CNTNAP2: variants seen among roughly 807,000 people sequenced by gnomAD.
CNTNAP2 encodes the protein contactin associated protein 2, also known as contactin-associated protein-like 2.
CNTNAP2 carries 98 observed loss-of-function variants against 155.2 expected under a neutral mutation model. The ratio of observed to expected loss-of-function variants is 0.63; its 90% CI spans 0.54 to 0.75. The LOEUF is 0.75. Ranked by LOEUF, CNTNAP2 falls within the 30% of genes least tolerant of loss-of-function variation. CNTNAP2 has a pLI of 0.00. For missense variants in CNTNAP2, 1,727 were observed against 1,688.1 expected (o/e 1.02, Z -0.40); for synonymous variants, 651 against 631.2 (o/e 1.03, Z -0.47).
At chr7:147,513,971 T>G (rs1202478628) in intron 11 of CNTNAP2, among the ~76,000 whole-genome samples, 1 of 152,168 alleles carries the variant, frequency 6.6e-6, no homozygotes, top group Non-Finnish European at 1.5e-5. Context: ...CACCACCACA[T>G]GGTCCTTTCA....
intron 13 of CNTNAP2, among the ~76,000 whole-genome samples, chr7:147,724,790 A>G (rs745390414): frequency 3.3e-5 from 5 of 152,050 alleles, no homozygotes; most frequent in Non-Finnish European, 7.4e-5. Flanking sequence ...GAGCTTCAAA[A>G]CAGTATTGCA....
intron 10 of CNTNAP2, among the ~76,000 whole-genome samples, chr7:147,464,918 T>C (rs969712854): frequency 2.6e-5 from 4 of 152,208 alleles, no homozygotes; most frequent in African/African-American, 7.2e-5. Context: ...ATAATGATTC[T>C]CTCCTGATAT....
chr7:146,554,152 AGCCTTGCTGGAACCATTTGAGGCC>A (rs1798161755), intron 1 of CNTNAP2, among the ~76,000 whole-genome samples: 1 of 152,182 alleles, frequency 6.6e-6, no homozygotes, highest in Admixed American at 6.5e-5. Context: ...AAACAACTGG[AGCCTTGCTGGAACCATTTGAGGCC>A]GCCTTCTGAC....
chr7:146,898,000 C>T (rs113980990), intron 3 of CNTNAP2, among the ~76,000 whole-genome samples: 5,502 of 152,014 alleles, frequency 0.036, 118 homozygotes, highest in Middle Eastern at 0.085. Context: ...GTGATATATA[C>T]ATTTCACTAG....
intron 1 of CNTNAP2, among the ~76,000 whole-genome samples, chr7:146,664,445 C>A (rs531085645): frequency 6.6e-6 from 1 of 151,866 alleles, no homozygotes; most frequent in South Asian, 2.1e-4. Flanking sequence ...ACCGGCGTGA[C>A]CCACCATGCC....
chr7:148,124,218 G>A (rs554487517), intron 16 of CNTNAP2, among the ~76,000 whole-genome samples: 14 of 152,274 alleles, frequency 9.2e-5, no homozygotes, highest in South Asian at 4.1e-4. Context: ...AGCGTAAACC[G>A]CCCACTAGGA....
chr7:146,226,439 C>T (rs546315489), intron 1 of CNTNAP2, among the ~76,000 whole-genome samples: 12 of 151,974 alleles, frequency 7.9e-5, no homozygotes, highest in South Asian at 2.1e-4. Flanking sequence ...TGGGAGGATC[C>T]GTTGAGCCCA....
chr7:146,673,201 C>T (rs901187917), intron 1 of CNTNAP2, among the ~76,000 whole-genome samples: 7 of 152,186 alleles, frequency 4.6e-5, no homozygotes, highest in African/African-American at 1.7e-4. Context: ...TATTGCCTTC[C>T]ATTGAATTCT....
chr7:146,393,923 A>G (rs1042920365), intron 1 of CNTNAP2, among the ~76,000 whole-genome samples: 14 of 152,190 alleles, frequency 9.2e-5, no homozygotes, highest in African/African-American at 3.4e-4. Context: ...TCAGTGTAAC[A>G]TAAATTTAAT....
At chr7:146,321,871 T>C in intron 1 of CNTNAP2, among the ~76,000 whole-genome samples, 1 of 152,212 alleles carries the variant, frequency 6.6e-6, no homozygotes, top group East Asian at 1.9e-4. Flanking sequence ...TGTATGGGAT[T>C]AGTGGCTCCA....
intron 16 of CNTNAP2, among the ~76,000 whole-genome samples, chr7:148,144,331 T>C (rs956119165): frequency 2.0e-5 from 3 of 152,194 alleles, no homozygotes; most frequent in African/African-American, 7.2e-5. Context: ...TGTAAAAAGA[T>C]TGGGGTTTCC....
chr7:147,655,280 G>A (rs567525831), intron 13 of CNTNAP2, among the ~76,000 whole-genome samples: 15 of 151,924 alleles, frequency 9.9e-5, no homozygotes, highest in African/African-American at 3.1e-4. Context: ...ATGCCACCAC[G>A]CTTAGCTAAT....
At chr7:148,028,595 T>C (rs1802413870) in intron 15 of CNTNAP2, among the ~76,000 whole-genome samples, 1 of 152,194 alleles carries the variant, frequency 6.6e-6, no homozygotes, top group Non-Finnish European at 1.5e-5. Context: ...ACATATGTTG[T>C]ATACTTCTCA....
chr7:146,161,152 C>T (rs996947263), intron 1 of CNTNAP2, among the ~76,000 whole-genome samples: 7 of 152,126 alleles, frequency 4.6e-5, no homozygotes, highest in Non-Finnish European at 1.0e-4. Flanking sequence ...ATTCAACAGC[C>T]CTTCATGCTA....
At chr7:146,406,499 A>G (rs542555153) in intron 1 of CNTNAP2, among the ~76,000 whole-genome samples, 170 of 152,298 alleles carry the variant, frequency 1.1e-3, no homozygotes, top group African/African-American at 3.9e-3. Context: ...GTGGTTTATT[A>G]AAACAATAAA....
chr7:146,246,427 G>C (rs149704407), intron 1 of CNTNAP2, among the ~76,000 whole-genome samples: 2,035 of 148,492 alleles, frequency 0.014, 101 homozygotes, highest in African/African-American at 0.048. Context: ...AAGTTGGCAT[G>C]AGAGTGGGGG....
At chr7:147,188,800 G>A (rs1214149373) in intron 8 of CNTNAP2, among the ~76,000 whole-genome samples, 1 of 152,156 alleles carries the variant, frequency 6.6e-6, no homozygotes, top group Non-Finnish European at 1.5e-5. Context: ...TTTGATGTGA[G>A]TGATATGAGC....
chr7:148,094,691 A>G (rs184670033), intron 15 of CNTNAP2, among the ~76,000 whole-genome samples: 10 of 152,334 alleles, frequency 6.6e-5, no homozygotes, highest in African/African-American at 2.4e-4. Context: ...CTGAAGTTTC[A>G]TAATATGGAC....
intron 20 of CNTNAP2, among the ~76,000 whole-genome samples, chr7:148,261,892 G>T (rs776633712): frequency 6.6e-6 from 1 of 152,242 alleles, no homozygotes; most frequent in Non-Finnish European, 1.5e-5. Flanking sequence ...GGAAATTGCA[G>T]TAAGCCCCTT....
Sources: gnomAD v4.1 joint callset for allele counts (sites outside exome capture counted in the v4.1 genomes callset) on GRCh38, gnomAD v4.1.1 for gene constraint, MANE v1.5 for transcripts, NCBI Gene and HGNC (gene_info 2026-07-23, HGNC 2026-07-21) for gene names.